Variants in GEMIN8 observed in about 807,000 individuals in gnomAD.
The protein encoded by GEMIN8 is gem nuclear organelle associated protein 8, also known as gem-associated protein 8.
For missense variants in GEMIN8, 185 were observed against 205.9 expected, an observed-to-expected ratio of 0.90 and a Z score of 0.62; for synonymous variants, 80 against 78.5, an observed-to-expected ratio of 1.02 and a Z score of -0.10.
rs768846924 is a variant in GEMIN8 at position 14,009,034 on chromosome X, C to T, written c.608G>A (p.Arg203His). The part of the protein sequence containing the change: ...PGERRQAEMK[R>H]LYGDSAAKIQ... ...CTTGGCAGCACTGTCCCCGTACAAA[C>T]GCTTCATCTCGGCCTGGCGCCGCTC... The change falls in exon 5 of 5, where the codon CGT becomes CAT. Residue 203 changes from arginine (R) to histidine (H), a missense_variant. Transcript: ENST00000680255. 1.1e-5 allele frequency: 13 copies of T among 1,210,590 alleles called. No individual in the cohort carries two copies. Among genetic ancestry groups the T allele is most frequent in the South Asian group, 7.0e-5 (4 of 56,862 alleles).
chrX:14,009,979 G>A (rs191251075), intron 4 of GEMIN8, among the ~76,000 whole-genome samples: 74 of 112,266 alleles, frequency 6.6e-4, no homozygotes, highest in African/African-American at 2.3e-3. Context: ...AAAGTTAAAT[G>A]AGTCAACACT....
chrX:13,986,287 G>A, the GEMIN8 span, among the ~76,000 whole-genome samples: 1 of 112,487 alleles, frequency 8.9e-6, no homozygotes, highest in Non-Finnish European at 1.9e-5. Flanking sequence ...CTTGACCTGG[G>A]GCTTTCTCAT....
At chrX:14,004,652 G>C (rs1923080132), downstream of GEMIN8, among the ~76,000 whole-genome samples, 1 of 112,244 alleles carries the variant, frequency 8.9e-6, no homozygotes, top group Non-Finnish European at 1.9e-5. Flanking sequence ...CTGCCTCCTG[G>C]GTTCAAGTGA....
intron 4 of GEMIN8, among the ~76,000 whole-genome samples, chrX:14,011,654 T>C (rs1403022010): frequency 9.4e-6 from 1 of 106,749 alleles, no homozygotes; most frequent in Non-Finnish European, 1.9e-5. Context: ...GTCACATTAC[T>C]CTCAAATTTA....
chrX:13,999,199 T>C, the GEMIN8 span, among the ~76,000 whole-genome samples: 2 of 111,137 alleles, frequency 1.8e-5, no homozygotes, highest in Admixed American at 9.6e-5. Context: ...TACATAACTA[T>C]GGTACATGTG....
intron 4 of GEMIN8, among the ~76,000 whole-genome samples, chrX:14,018,836 G>C (rs2147131413): frequency 9.7e-6 from 1 of 103,363 alleles, no homozygotes; most frequent in South Asian, 4.6e-4. Flanking sequence ...TGTGATCGTG[G>C]CTCACTGCAG....
rs147147045 is a variant in GEMIN8, at chrX:14,021,814, G to GTATATATATATA, written c.-33-315_-33-304dup. On this transcript the variant is annotated intron_variant, in intron 2 of 4. Coordinates refer to ENST00000680255, the MANE Select transcript of GEMIN8 (RefSeq NM_001042479.2). ...TAAATATTTAGTAGTTAATGTGTGT[G>GTATATATATATA]TATATATATATATATATATATATAT... is the stretch of plus-strand genomic sequence containing the variant. Among the ~76,000 whole-genome samples the GTATATATATATA allele has an allele frequency of 5.1e-3, 399 of 78,110 alleles. 7 individuals are homozygous for GTATATATATATA. The highest frequency in any genetic ancestry group is 0.019 in the African/African-American group (363 of 19,138). 67.8% of individuals were successfully genotyped at this position (78,110 alleles called of 115,157 possible).
chrX:14,011,954 A>G lies in GEMIN8; in HGVS notation c.473-2785T>C, dbSNP rs1286530596. On this transcript the variant is annotated intron_variant, in intron 4 of 4. Transcript: ENST00000680255. Reference sequence around the variant, plus strand: ...CACAATGTTAACACAAAGCAACCCCAGTTAATGATGCTGGTACAATTTTCC... The same window carrying G: ...CACAATGTTAACACAAAGCAACCCCGGTTAATGATGCTGGTACAATTTTCC... Among the ~76,000 whole-genome samples, 6 of 111,391 alleles carry G rather than the reference A, an allele frequency of 5.4e-5. No individual in the cohort carries two copies. The Admixed American group carries it at 5.7e-4, about 11-fold the overall frequency.
rs746261946 is a variant in GEMIN8, at chrX:14,010,908, C to T, written c.473-1739G>A. Reference sequence around the variant, plus strand: ...TGTTTCTAATTTTTGGTCTTTCTGCCAAGTTTGAAACATCAGCATATAAGT... The same window carrying T: ...TGTTTCTAATTTTTGGTCTTTCTGCTAAGTTTGAAACATCAGCATATAAGT... On this transcript the variant is annotated intron_variant, in intron 4 of 4. Transcript: ENST00000680255. 5.3e-5 allele frequency among the ~76,000 whole-genome samples: 6 copies of T among 112,342 alleles called. No homozygotes were observed. In the South Asian group the frequency reaches 1.1e-3, roughly 21 times the overall value.
intron 4 of GEMIN8, 55 bp downstream of exon 4, chrX:14,020,023 A>T: frequency 1.5e-6 from 1 of 682,430 alleles, no homozygotes; most frequent in Non-Finnish European, 2.2e-6. Context: ...GAGAAAAAAA[A>T]TGTAAAAGGC....
At chrX:14,004,237 G>C (rs1923065849), downstream of GEMIN8, among the ~76,000 whole-genome samples, 1 of 112,229 alleles carries the variant, frequency 8.9e-6, no homozygotes, top group African/African-American at 3.2e-5. Context: ...CATACATGTA[G>C]TCTAGCTCAT....
chrX:14,007,792 G>A lies in GEMIN8; in HGVS notation c.*1121C>T, dbSNP rs1432468289. On this transcript the variant is annotated 3_prime_UTR_variant, in exon 5 of 5. Transcript: ENST00000680255. ...TCTGCCCACCTCAGCCTCCCAAAGTGCTGGGATTACAGGCATGAGCCACCG... is the reference window on the plus strand; with the variant it reads ...TCTGCCCACCTCAGCCTCCCAAAGTACTGGGATTACAGGCATGAGCCACCG... Among the ~76,000 whole-genome samples the A allele has an allele frequency of 9.0e-6, 1 of 110,955 alleles. No individual in the cohort carries two copies. The highest frequency in any genetic ancestry group is 1.9e-5 in the Non-Finnish European group (1 of 52,978).
the GEMIN8 span, among the ~76,000 whole-genome samples, chrX:13,984,736 G>A: frequency 9.0e-6 from 1 of 111,596 alleles, no homozygotes; most frequent in Non-Finnish European, 1.9e-5. Context: ...AGATGAGACA[G>A]GTAAAGGAAG....
downstream of GEMIN8, among the ~76,000 whole-genome samples, chrX:14,002,353 A>AGAT (rs1305514030): frequency 9.1e-6 from 1 of 110,304 alleles, no homozygotes; most frequent in South Asian, 3.8e-4. Flanking sequence ...ATAGATAGAT[A>AGAT]GATAGATAGA....
chrX:14,016,977 G>T (rs1331153079), intron 4 of GEMIN8, among the ~76,000 whole-genome samples: 2 of 105,574 alleles, frequency 1.9e-5, no homozygotes, highest in African/African-American at 3.4e-5. Context: ...GTTAAAGGAT[G>T]GGTTACTAGC....
intron 4 of GEMIN8, among the ~76,000 whole-genome samples, chrX:14,018,986 G>C (rs1053899226): frequency 9.0e-6 from 1 of 110,989 alleles, no homozygotes; most frequent in Non-Finnish European, 1.9e-5. Context: ...AAAAAAATCT[G>C]AACAAGTAGT....
rs1255698223 is a variant in GEMIN8 at position 14,006,749 on chromosome X, T to C, written c.*2164A>G. Reference sequence around the variant, plus strand: ...AATAAACGTGTCAACATTTATTGAGTATTTACCGTGTAGCCAGCACTGTTT... The same window carrying C: ...AATAAACGTGTCAACATTTATTGAGCATTTACCGTGTAGCCAGCACTGTTT... On this transcript the variant is annotated 3_prime_UTR_variant, in exon 5 of 5. Transcript: ENST00000680255. Among the ~76,000 whole-genome samples, 1 of 111,700 alleles carries C rather than the reference T, an allele frequency of 9.0e-6. No individual in the cohort carries two copies. The highest frequency in any genetic ancestry group is 3.3e-5 in the African/African-American group (1 of 30,695).
At chrX:14,005,873 T>C (rs985808446), downstream of GEMIN8, among the ~76,000 whole-genome samples, 14 of 110,999 alleles carry the variant, frequency 1.3e-4, no homozygotes, top group African/African-American at 4.6e-4. Context: ...GTGCTCTCTG[T>C]TGTATTGAGT....
intron 2 of GEMIN8, among the ~76,000 whole-genome samples, chrX:14,023,865 C>T (rs1924523883): frequency 8.9e-6 from 1 of 112,190 alleles, no homozygotes; most frequent in Non-Finnish European, 1.9e-5. Context: ...TGTTTTGAAT[C>T]CAGACTTCTT....
Sources: allele counts gnomAD v4.1 joint callset (sites outside exome capture counted in the v4.1 genomes callset), GRCh38; gene constraint gnomAD v4.1.1; transcripts MANE v1.5; gene names NCBI Gene and HGNC (gene_info 2026-07-23, HGNC 2026-07-21).